MGST1: variants seen among roughly 807,000 people sequenced by gnomAD.
MGST1 encodes glutathione S-transferase 12.
Under a neutral mutation model 8.9 loss-of-function variants are expected in MGST1, and 5 were observed. That is an observed-to-expected ratio of 0.56 (90% CI 0.29 to 1.19). The LOEUF is 1.19. Ranked by LOEUF, MGST1 falls within the 50% of genes most tolerant of loss-of-function variation. The pLI is 0.08. For missense variants in MGST1, 182 were observed against 187.4 expected (o/e 0.97, Z 0.17); for synonymous variants, 54 against 67.8 (o/e 0.80, Z 1.00).
chr12:16,413,577 A>G lies in MGST1; in HGVS notation n.779-23811A>G, dbSNP rs1322359203. Among the ~76,000 whole-genome samples the G allele has an allele frequency of 6.6e-6, 1 of 152,154 alleles. No homozygotes were observed. The highest frequency in any genetic ancestry group is 1.5e-5 in the Non-Finnish European group (1 of 68,016). On this transcript the variant is annotated intron_variant and non_coding_transcript_variant, in intron 1 of 1. Coordinates refer to the MGST1 transcript ENST00000359720. The surrounding 1 kb of genome is among the most constrained non-coding windows in gnomAD (Gnocchi z 4.0). ...TACCCATCACACCTGATTCCCTTTT[A>G]TCCCCTCCCCAGGTCCAGTGAGTAA...
intron 4 of MGST1, among the ~76,000 whole-genome samples, chr12:16,490,004 TATAATCCC>T (rs1234835081): frequency 1.3e-5 from 2 of 152,144 alleles, no homozygotes; most frequent in African/African-American, 2.4e-5. Flanking sequence ...GGCTCATGTC[TATAATCCC>T]AGCACTTTGG....
downstream of MGST1, among the ~76,000 whole-genome samples, chr12:16,443,585 A>G (rs955458491): frequency 1.3e-5 from 2 of 151,914 alleles, no homozygotes; most frequent in South Asian, 2.1e-4. Flanking sequence ...TTTTTACAAC[A>G]TCATAAACAA....
At chr12:16,447,718 A>C (rs539072255) in intron 4 of MGST1, among the ~76,000 whole-genome samples, 101 of 152,090 alleles carry the variant, frequency 6.6e-4, no homozygotes, top group African/African-American at 2.2e-3. Flanking sequence ...TGGCACTTGC[A>C]CAGCTCAGAT....
At position 16,513,677 on chromosome 12, in the gene MGST1, T is replaced by C. The variant is rs889541569; in HGVS notation, n.483-75851T>C. Reference sequence around the variant, plus strand: ...AATTTGGACGAGGACTACCTCTCCATTGGGCGGCTGGCTGAATTTTGCAAG... The same window carrying C: ...AATTTGGACGAGGACTACCTCTCCACTGGGCGGCTGGCTGAATTTTGCAAG... On this transcript the variant is annotated intron_variant and non_coding_transcript_variant, in intron 4 of 4. Transcript: ENST00000538857. The surrounding 1 kb of genome is among the most constrained non-coding windows in gnomAD (Gnocchi z 4.2). The C allele has an allele frequency of 4.2e-5, 22 of 524,262 alleles. No individual in the cohort carries two copies. Among genetic ancestry groups the C allele is most frequent in the South Asian group, 8.9e-5 (6 of 67,244 alleles). The allele number at this position is 524,262 out of a possible 1,614,324, so 32.5% of individuals were successfully genotyped here. A position where few individuals can be genotyped will look rare whatever the true frequency, so the allele number is the denominator to read the frequency against.
chr12:16,447,685 G>A (rs1159831309), intron 4 of MGST1, among the ~76,000 whole-genome samples: 1 of 151,852 alleles, frequency 6.6e-6, no homozygotes, highest in Non-Finnish European at 1.5e-5. Flanking sequence ...GCCACTTTCA[G>A]CCAGGCATCC....
downstream of MGST1, among the ~76,000 whole-genome samples, chr12:16,377,472 G>C (rs866775006): frequency 1.3e-5 from 2 of 152,028 alleles, no homozygotes; most frequent in Non-Finnish European, 2.9e-5. Context: ...CAAAGGACAT[G>C]AACTCATCAT....
At chr12:16,420,982 T>C (rs978725426) in intron 1 of MGST1, among the ~76,000 whole-genome samples, 1 of 152,148 alleles carries the variant, frequency 6.6e-6, no homozygotes, top group Non-Finnish European at 1.5e-5. Context: ...CACAGCACCG[T>C]CTCTGCAATT....
chr12:16,452,303 A>G (rs537676701), intron 4 of MGST1, among the ~76,000 whole-genome samples: 64 of 151,796 alleles, frequency 4.2e-4, no homozygotes, highest in Admixed American at 1.1e-3. Context: ...ATGTTTTTGT[A>G]GATAGCAAGA....
intron 4 of MGST1, among the ~76,000 whole-genome samples, chr12:16,581,798 A>G (rs2137542750): frequency 6.6e-6 from 1 of 152,240 alleles, no homozygotes; most frequent in African/African-American, 2.4e-5. Context: ...ATATATTTTA[A>G]TAATTGTATT....
chr12:16,394,520 TTCTTTCTTTC>T (rs1940585505), intron 1 of MGST1, among the ~76,000 whole-genome samples: 1 of 5,476 alleles, frequency 1.8e-4, no homozygotes, highest in Non-Finnish European at 9.2e-4. Flanking sequence ...CTCCCTTTCT[TTCTTTCTTTC>T]TTTCTTTCTT....
intron 1 of MGST1, among the ~76,000 whole-genome samples, chr12:16,394,523 T>TTTCC (rs1491181407): frequency 0.015 from 270 of 17,810 alleles, 6 homozygotes; most frequent in African/African-American, 0.03. Flanking sequence ...CCTTTCTTTC[T>TTTCC]TTCTTTCTTT....
intron 1 of MGST1, among the ~76,000 whole-genome samples, chr12:16,419,808 C>T (rs1479628613): frequency 2.6e-5 from 4 of 152,190 alleles, no homozygotes; most frequent in South Asian, 4.2e-4. Context: ...GATATGGAGA[C>T]GGATTGGATG....
At chr12:16,371,250 C>T (rs1043075107) in intron 3 of MGST1, among the ~76,000 whole-genome samples, 3 of 151,990 alleles carry the variant, frequency 2.0e-5, no homozygotes, top group African/African-American at 7.2e-5. Context: ...TAGTTAGGTT[C>T]TACCTAGTCC....
chr12:16,410,966 G>T lies in MGST1; in HGVS notation n.779-26422G>T, dbSNP rs1462306386. Among the ~76,000 whole-genome samples the T allele has an allele frequency of 2.0e-5, 3 of 151,944 alleles. No homozygotes were observed. Among genetic ancestry groups the T allele is most frequent in the Admixed American group, 6.6e-5 (1 of 15,240 alleles). ...ATATTCCATGCTTTTTTCTGACATG[G>T]AACCTTTGAATGTACCTTTCCCTCT... On this transcript the variant is annotated intron_variant and non_coding_transcript_variant, in intron 1 of 1. Coordinates refer to the MGST1 transcript ENST00000359720. This position sits in a 1 kb window ranked among gnomAD's most constrained non-coding sequence, Gnocchi z 4.4.
chr12:16,354,471 C>A, intron 2 of MGST1, 93 bp downstream of exon 2: 2 of 1,235,986 alleles, frequency 1.6e-6, no homozygotes, highest in Non-Finnish European at 2.3e-6. Flanking sequence ...TTTGGTAAAG[C>A]CCAATAGCAC....
At chr12:16,398,042 A>G (rs1450391185) in intron 1 of MGST1, among the ~76,000 whole-genome samples, 1 of 151,348 alleles carries the variant, frequency 6.6e-6, no homozygotes, top group Non-Finnish European at 1.5e-5. Context: ...TCTTTCACAT[A>G]TATTTTACTT....
chr12:16,521,714 A>G (rs1233369454), intron 4 of MGST1, among the ~76,000 whole-genome samples: 1 of 152,172 alleles, frequency 6.6e-6, no homozygotes, highest in African/African-American at 2.4e-5. Flanking sequence ...TTAACTTGCA[A>G]AGAAATTTAA....
chr12:16,545,273 T>C (rs1941816309), intron 4 of MGST1, among the ~76,000 whole-genome samples: 1 of 152,054 alleles, frequency 6.6e-6, no homozygotes, highest in African/African-American at 2.4e-5. Flanking sequence ...ATTGTATTTA[T>C]TAGGGTTGTA....
At position 16,389,718 on chromosome 12, in the gene MGST1, G is replaced by A. The variant is rs7972659; in HGVS notation, n.778+6114G>A. Reference sequence around the variant, plus strand: ...GTTATTAGCTGATGCTGACTCATTGGGGTTTGAAGTATGAACACGTGTTTA... The same window carrying A: ...GTTATTAGCTGATGCTGACTCATTGAGGTTTGAAGTATGAACACGTGTTTA... On this transcript the variant is annotated intron_variant and non_coding_transcript_variant, in intron 1 of 1. Coordinates refer to the MGST1 transcript ENST00000359720. The surrounding 1 kb of genome is among the most constrained non-coding windows in gnomAD (Gnocchi z 4.6). Among the ~76,000 whole-genome samples the A allele has an allele frequency of 0.47, 71,978 of 151,828 alleles. 17,377 individuals carry two copies. The highest frequency in any genetic ancestry group is 0.71 in the East Asian group (3,636 of 5,132).
Sources: gnomAD v4.1 joint callset for allele counts (sites outside exome capture counted in the v4.1 genomes callset) on GRCh38, gnomAD v4.1.1 for gene constraint, Gnocchi (gnomAD v3.1) non-coding constraint, MANE v1.5 for transcripts, NCBI Gene and HGNC (gene_info 2026-07-23, HGNC 2026-07-21) for gene names.